The following KDM1B variants were observed in gnomAD, a reference collection of about 807,000 sequenced individuals.
The protein encoded by KDM1B is lysine-specific histone demethylase 2.
In KDM1B, 63 loss-of-function variants were observed where a neutral mutation model predicts 107.4. That is an observed-to-expected ratio of 0.59 (90% CI 0.48 to 0.72). KDM1B has a LOEUF of 0.72. KDM1B is among the 30% of genes least tolerant of loss of function. KDM1B has a pLI of 0.00. For synonymous variants in KDM1B, 363 were observed against 363.9 expected, an observed-to-expected ratio of 1.00 and a Z score of 0.03; for missense variants, 749 against 1,020.8, an observed-to-expected ratio of 0.73 and a Z score of 3.63.
chr6:18,187,703 A>G, intron 8 of KDM1B, 89 bp from the exon 9 acceptor site: 1 of 853,490 alleles, frequency 1.2e-6, no homozygotes, highest in Non-Finnish European at 1.9e-6. Flanking sequence ...GGACAAGTGA[A>G]ACGAAGAGAA....
chr6:18,208,053 A>G, intron 16 of KDM1B, 79 bp from the exon 17 acceptor site: 1 of 1,010,960 alleles, frequency 9.9e-7, no homozygotes, highest in Non-Finnish European at 1.6e-6. Flanking sequence ...ATGTAAATTC[A>G]TGTAATATGA....
At chr6:18,198,170 A>G (rs1313278306) in intron 12 of KDM1B, among the ~76,000 whole-genome samples, 1 of 152,056 alleles carries the variant, frequency 6.6e-6, no homozygotes, top group African/African-American at 2.4e-5. Context: ...TGCTGGGATT[A>G]CAGATGTGAG....
At chr6:18,194,448 G>T (rs1351521802) in intron 10 of KDM1B, among the ~76,000 whole-genome samples, 1 of 152,126 alleles carries the variant, frequency 6.6e-6, no homozygotes, top group Non-Finnish European at 1.5e-5. Context: ...CTGCCGCCAT[G>T]CACCTGCTGC....
At chr6:18,194,639 C>T (rs1169984248) in intron 10 of KDM1B, among the ~76,000 whole-genome samples, 1 of 152,012 alleles carries the variant, frequency 6.6e-6, no homozygotes, top group Admixed American at 6.6e-5. Flanking sequence ...ATACACATAA[C>T]ATAAAATTTA....
At chr6:18,167,392 C>G (rs1442091038) in intron 6 of KDM1B, among the ~76,000 whole-genome samples, 1 of 151,882 alleles carries the variant, frequency 6.6e-6, no homozygotes. Flanking sequence ...ACCTCATATT[C>G]TTTTTTCATT....
chr6:18,185,895 G>C, intron 8 of KDM1B, 85 bp downstream of exon 8: 2 of 1,284,604 alleles, frequency 1.6e-6, no homozygotes, highest in Non-Finnish European at 2.3e-6. Flanking sequence ...ACAGCTTCAT[G>C]AATTTCTTTC....
chr6:18,156,987 A>G (rs1324926869), intron 2 of KDM1B, among the ~76,000 whole-genome samples: 3 of 152,222 alleles, frequency 2.0e-5, no homozygotes, highest in Non-Finnish European at 4.4e-5. Flanking sequence ...TGAAATCTAC[A>G]TATTGATATA....
intron 12 of KDM1B, among the ~76,000 whole-genome samples, chr6:18,198,065 T>A (rs1394556778): frequency 6.6e-6 from 1 of 151,836 alleles, no homozygotes; most frequent in East Asian, 1.9e-4. Flanking sequence ...CCCAGCGAAT[T>A]TTTGTATTTT....
rs537373358 is a variant in KDM1B at position 18,201,683 on chromosome 6, G to T, written c.1531+26G>T. ...GTATGGGGAGAACGGTGTTCTGATT[G>T]TTCCATCTCAGTTTCGTTGTTACCT... is the stretch of plus-strand genomic sequence containing the variant. On this transcript the variant is annotated intron_variant, in intron 14 of 21. Coordinates refer to ENST00000650836, the MANE Select transcript of KDM1B (RefSeq NM_001364614.2). This position sits in a 1 kb window ranked among gnomAD's most constrained non-coding sequence, Gnocchi z 4.3. The T allele has an allele frequency of 6.6e-7, 1 of 1,515,166 alleles. No individual in the cohort carries two copies. 93.9% of individuals were successfully genotyped at this position (1,515,166 alleles called of 1,614,324 possible). A position where few individuals can be genotyped will look rare whatever the true frequency, so the allele number is the denominator to read the frequency against.
chr6:18,216,036 TAAAGAG>T (rs980483751), intron 20 of KDM1B, among the ~76,000 whole-genome samples: 11 of 152,274 alleles, frequency 7.2e-5, no homozygotes, highest in African/African-American at 2.4e-4. Flanking sequence ...TTATGTAAGT[TAAAGAG>T]AAAGGGGCAT....
rs533011477 is a variant in KDM1B, at chr6:18,187,935, C to G, written c.717C>G (p.Arg239=). 3.2e-6 allele frequency: 5 copies of G among 1,550,510 alleles called. No homozygotes were observed. The highest frequency in any genetic ancestry group is 4.4e-6 in the Non-Finnish European group (5 of 1,146,994). Residue 239 remains arginine, a synonymous_variant, in exon 9 of 22, where the codon CGC becomes CGG. Transcript: ENST00000650836. ...GCCCCTCCTGCACCAGCACAAACCGCGCCGCTGCCACTGGCAATGCCAGCC... is the reference window on the plus strand; with the variant it reads ...GCCCCTCCTGCACCAGCACAAACCGGGCCGCTGCCACTGGCAATGCCAGCC... ...GMSPSCTSTN[R]AAATGNASPG...
intron 20 of KDM1B, among the ~76,000 whole-genome samples, chr6:18,215,679 T>A (rs989266311): frequency 6.6e-6 from 1 of 152,116 alleles, no homozygotes; most frequent in Non-Finnish European, 1.5e-5. Context: ...AACAGTGCCC[T>A]GTACCTTTTT....
chr6:18,193,192 T>G, intron 10 of KDM1B, among the ~76,000 whole-genome samples: 1 of 107,628 alleles, frequency 9.3e-6, no homozygotes, highest in South Asian at 3.1e-4. Flanking sequence ...CGAAACTCTG[T>G]CTAAAAAAAA....
chr6:18,213,972 T>G lies in KDM1B; in HGVS notation c.2109+191T>G, dbSNP rs895354199. On this transcript the variant is annotated intron_variant, in intron 19 of 21. Coordinates refer to ENST00000650836, the MANE Select transcript of KDM1B (RefSeq NM_001364614.2). This position sits in a 1 kb window ranked among gnomAD's most constrained non-coding sequence, Gnocchi z 5.9. Reference sequence around the variant, plus strand: ...AGGAGCCCCAGTATTTGCCATGTCTTCTTAAAGTCCTCATGTTGCTCCCTG... The same window carrying G: ...AGGAGCCCCAGTATTTGCCATGTCTGCTTAAAGTCCTCATGTTGCTCCCTG... 3.9e-5 allele frequency among the ~76,000 whole-genome samples: 6 copies of G among 152,186 alleles called. No individual in the cohort carries two copies. The highest frequency in any genetic ancestry group is 5.9e-5 in the Non-Finnish European group (4 of 68,028).
chr6:18,202,574 G>A (rs1561943579), intron 14 of KDM1B, among the ~76,000 whole-genome samples: 1 of 152,012 alleles, frequency 6.6e-6, no homozygotes, highest in Non-Finnish European at 1.5e-5. Context: ...CTACAATTTT[G>A]TGACCTGAAT....
chr6:18,207,601 C>CACGCAGG, intron 16 of KDM1B, 72 bp downstream of exon 16: 1 of 1,582,170 alleles, frequency 6.3e-7, no homozygotes, highest in South Asian at 1.1e-5. Flanking sequence ...GCATGCGGCT[C>CACGCAGG]ACGCAGGAGA....
chr6:18,174,755 T>C (rs1171438852), intron 7 of KDM1B, among the ~76,000 whole-genome samples: 1 of 152,212 alleles, frequency 6.6e-6, no homozygotes, highest in Non-Finnish European at 1.5e-5. Flanking sequence ...AATAATAGTC[T>C]CCTATCTCAT....
At position 18,217,904 on chromosome 6, in the gene KDM1B, A is replaced by T. The variant is rs778671242; in HGVS notation, c.2385+19A>T. 6.3e-7 allele frequency: 1 copy of T among 1,599,576 alleles called. No homozygotes were observed. Among genetic ancestry groups the T allele is most frequent in the Non-Finnish European group, 8.5e-7 (1 of 1,174,724 alleles). ...TGGTGAGGTATGGATCTTGATTCCA[A>T]ACCCAATTATTTGTATTTTGATTTC... On this transcript the variant is annotated intron_variant, in intron 21 of 21. Transcript: ENST00000650836.
In KDM1B at chr6:18,214,469, G is replaced by A. The variant is rs916554814; in HGVS notation, c.2110-538G>A. On this transcript the variant is annotated intron_variant, in intron 19 of 21. Transcript: ENST00000650836. This position sits in a 1 kb window ranked among gnomAD's most constrained non-coding sequence, Gnocchi z 4.4. ...AGTGAACAGCCAAGGGAACCTTAAA[G>A]TTGCTATTTACATTTCTTAGTGTTT... Among the ~76,000 whole-genome samples the A allele has an allele frequency of 6.6e-6, 1 of 152,186 alleles. No homozygotes were observed. The highest frequency in any genetic ancestry group is 1.5e-5 in the Non-Finnish European group (1 of 68,028).
Sources: gnomAD v4.1 joint callset for allele counts (sites outside exome capture counted in the v4.1 genomes callset) on GRCh38, gnomAD v4.1.1 for gene constraint, Gnocchi (gnomAD v3.1) non-coding constraint, MANE v1.5 for transcripts, NCBI Gene and HGNC (gene_info 2026-07-23, HGNC 2026-07-21) for gene names.